The following BANP variants were observed in gnomAD, a reference collection of about 807,000 sequenced individuals.
BANP encodes protein BANP.
A neutral mutation model predicts 68.1 loss-of-function variants in BANP; 11 were observed. The observed-to-expected ratio is 0.16, with a 90% CI of 0.10 to 0.27. BANP has a LOEUF of 0.27. BANP is among the 10% of genes least tolerant of loss of function. The probability of loss-of-function intolerance (pLI) is 1.00; values close to 1 mark genes in which losing one functional copy is unlikely to be tolerated. For missense variants in BANP, 504 were observed against 722.7 expected, an observed-to-expected ratio of 0.70 and a Z score of 3.47; for synonymous variants, 329 against 303.2, an observed-to-expected ratio of 1.09 and a Z score of -0.88.
At chr16:88,049,848 G>A (rs375152306) in intron 11 of BANP, among the ~76,000 whole-genome samples, 2 of 152,178 alleles carry the variant, frequency 1.3e-5, no homozygotes, top group Non-Finnish European at 2.9e-5. Context: ...TCTCTAATGC[G>A]TTTCAGTGTG....
intron 10 of BANP, among the ~76,000 whole-genome samples, chr16:88,035,670 C>T (rs1371818535): frequency 6.6e-6 from 1 of 152,214 alleles, no homozygotes; most frequent in Non-Finnish European, 1.5e-5. Context: ...GAAGTGCCCT[C>T]TGAGTACCCT....
chr16:88,060,482 C>T (rs569538179), intron 11 of BANP, among the ~76,000 whole-genome samples: 1 of 152,198 alleles, frequency 6.6e-6, no homozygotes, highest in Non-Finnish European at 1.5e-5. Flanking sequence ...TTAGTGGGAA[C>T]GTTGGAGCAC....
At chr16:88,073,098 G>A (rs1019958316) in intron 13 of BANP, among the ~76,000 whole-genome samples, 9 of 152,230 alleles carry the variant, frequency 5.9e-5, no homozygotes, top group African/African-American at 2.2e-4. Flanking sequence ...CACTGCTGAG[G>A]GCAGGTGTGC....
At chr16:88,027,780 G>T in intron 8 of BANP, 130 bp downstream of exon 8, 1 of 1,140,360 alleles carries the variant, frequency 8.8e-7, no homozygotes, top group Non-Finnish European at 1.2e-6. Flanking sequence ...AGAGGCTTGC[G>T]CGGTGCGCAC....
intron 6 of BANP, among the ~76,000 whole-genome samples, chr16:88,016,767 C>A (rs1375001672): frequency 3.9e-5 from 6 of 152,222 alleles, no homozygotes; most frequent in Non-Finnish European, 7.3e-5. Context: ...GGCCGACCGA[C>A]GGATGTTCTG....
At chr16:87,956,193 G>A (rs892605761) in intron 1 of BANP, among the ~76,000 whole-genome samples, 1 of 152,178 alleles carries the variant, frequency 6.6e-6, no homozygotes, top group African/African-American at 2.4e-5. Flanking sequence ...ACATGGAGTC[G>A]CAAGGCTGAC....
chr16:88,072,309 T>C, intron 13 of BANP, 97 bp downstream of exon 13: 1 of 1,412,274 alleles, frequency 7.1e-7, no homozygotes, highest in Non-Finnish European at 9.5e-7. Context: ...CTCGTGACTC[T>C]TCCTGTGCAG....
At chr16:87,981,627 G>A (rs1598061978) in intron 3 of BANP, among the ~76,000 whole-genome samples, 1 of 152,230 alleles carries the variant, frequency 6.6e-6, no homozygotes, top group Non-Finnish European at 1.5e-5. Flanking sequence ...CAGGCAGCCC[G>A]CTACAGAAGA....
At position 87,955,910 on chromosome 16, in the gene BANP, T is replaced by C. The variant is rs563541656; in HGVS notation, c.-69+4395T>C. Among the ~76,000 whole-genome samples, 3 of 152,256 alleles carry C rather than the reference T, an allele frequency of 2.0e-5. No homozygotes were observed. The East Asian group carries it at 5.8e-4, about 29-fold the overall frequency. On this transcript the variant is annotated intron_variant, in intron 1 of 13. Transcript: ENST00000682872. ...ACAGTCCTGGCCAGTGCGTCTCAAG[T>C]GTCCAGGTCTTGAAAGACAGGGAGG... is the stretch of plus-strand genomic sequence containing the variant.
At chr16:88,075,125 C>A (rs1013518570) in intron 13 of BANP, among the ~76,000 whole-genome samples, 1 of 152,118 alleles carries the variant, frequency 6.6e-6, no homozygotes, top group African/African-American at 2.4e-5. Flanking sequence ...GCAGGCCAAT[C>A]ACCTGAGGTC....
chr16:88,022,674 G>A (rs948024881), intron 7 of BANP, among the ~76,000 whole-genome samples: 2 of 152,190 alleles, frequency 1.3e-5, no homozygotes, highest in South Asian at 2.1e-4. Flanking sequence ...TTGTGTTCTC[G>A]TGCAGGTTTG....
At chr16:88,015,310 C>T (rs140961397) in intron 6 of BANP, among the ~76,000 whole-genome samples, 373 of 149,176 alleles carry the variant, frequency 2.5e-3, no homozygotes, top group African/African-American at 8.6e-3. Context: ...TCTGCCCGTG[C>T]CCCCTCAGCT....
Position 88,075,658 on chromosome 16 carries a change from T to C in BANP, c.1522-932T>C, listed in dbSNP as rs1410854335. On this transcript the variant is annotated intron_variant, in intron 13 of 13. Transcript: ENST00000682872. ...CTTCTGGGAGTGTGCACGGCAGCCC[T>C]AGAGTGGGCTCCTCCACCTGGGGCG... 3.3e-5 allele frequency among the ~76,000 whole-genome samples: 5 copies of C among 151,962 alleles called. 1 individual carries two copies. Among genetic ancestry groups the C allele is most frequent in the Admixed American group, 1.3e-4 (2 of 15,256 alleles).
chr16:88,017,847 G>A (rs1253314187), intron 6 of BANP, among the ~76,000 whole-genome samples: 1 of 152,238 alleles, frequency 6.6e-6, no homozygotes, highest in Non-Finnish European at 1.5e-5. Flanking sequence ...CGCTGCTCTG[G>A]GCGGCTGCAT....
At chr16:88,050,482 G>C (rs566253074) in intron 11 of BANP, among the ~76,000 whole-genome samples, 1 of 152,066 alleles carries the variant, frequency 6.6e-6, no homozygotes, top group Non-Finnish European at 1.5e-5. Flanking sequence ...ACTAATAGCT[G>C]TGCCTCTTTA....
intron 2 of BANP, among the ~76,000 whole-genome samples, chr16:87,975,547 C>T (rs1474181191): frequency 1.3e-5 from 2 of 150,480 alleles, no homozygotes; most frequent in Non-Finnish European, 3.0e-5. Context: ...CGTCATGGAA[C>T]CTTACCATGT....
At chr16:87,983,645 C>G (rs28690689) in intron 3 of BANP, among the ~76,000 whole-genome samples, 122,900 of 151,428 alleles carry the variant, frequency 0.81, 50,578 homozygotes, top group African/African-American at 0.95. Context: ...AGGCAGCGGG[C>G]TGTGAGGCGA....
At chr16:87,965,670 T>G (rs1159181344) in intron 1 of BANP, among the ~76,000 whole-genome samples, 1 of 152,112 alleles carries the variant, frequency 6.6e-6, no homozygotes, top group Non-Finnish European at 1.5e-5. Flanking sequence ...GTTGATTGGA[T>G]GTGGATTCTC....
intron 4 of BANP, among the ~76,000 whole-genome samples, chr16:87,998,491 C>T (rs1198667989): frequency 6.6e-6 from 1 of 152,248 alleles, no homozygotes; most frequent in African/African-American, 2.4e-5. Flanking sequence ...GAAGGTGCTG[C>T]CGACCCGGCT....
Sources: gnomAD v4.1 joint callset for allele counts (sites outside exome capture counted in the v4.1 genomes callset) on GRCh38, gnomAD v4.1.1 for gene constraint, MANE v1.5 for transcripts, NCBI Gene and HGNC (gene_info 2026-07-23, HGNC 2026-07-21) for gene names.